The following NFE2L3 variants were observed in gnomAD, a reference collection of about 807,000 sequenced individuals.
NFE2L3 encodes NFE2 like bZIP transcription factor 3.
In NFE2L3, 18 loss-of-function variants were observed where a neutral mutation model predicts 23.5. That is an observed-to-expected ratio of 0.77 (90% CI 0.53 to 1.13). NFE2L3 has a LOEUF of 1.13. NFE2L3 is among the 50% of genes most tolerant of loss of function. The pLI is 0.00. For missense variants in NFE2L3, 1,152 were observed against 877.2 expected (o/e 1.31, Z -3.96); for synonymous variants, 424 against 354.5 (o/e 1.20, Z -2.20).
chr7:26,154,370 C>T (rs572042353), intron 1 of NFE2L3, among the ~76,000 whole-genome samples: 1 of 152,174 alleles, frequency 6.6e-6, no homozygotes, highest in South Asian at 2.1e-4. Context: ...TTCTGTAACA[C>T]AGAGTTGAAA....
intron 1 of NFE2L3, among the ~76,000 whole-genome samples, chr7:26,175,853 C>CTTTT (rs70943276): frequency 4.5e-5 from 5 of 111,628 alleles, no homozygotes; most frequent in African/African-American, 1.3e-4. Flanking sequence ...ATTTTCTTTT[C>CTTTT]TTTTTTTTTT....
intron 1 of NFE2L3, among the ~76,000 whole-genome samples, chr7:26,160,348 G>A (rs1784149123): frequency 6.6e-6 from 1 of 152,206 alleles, no homozygotes. Context: ...GGAGTTGCAG[G>A]TGGTGGTTGG....
At position 26,186,381 on chromosome 7, in the gene NFE2L3, CAAAT is replaced by C. The variant is rs971456499; in HGVS notation, c.*601_*604del. On this transcript the variant is annotated 3_prime_UTR_variant, in exon 4 of 4. Coordinates refer to ENST00000056233, the MANE Select transcript of NFE2L3 (RefSeq NM_004289.7). ...CACATTCAGGAATATAGGTGAATAA[CAAAT>C]AAGGCAGCATAGCAAACTGCTCAGA... 6.6e-5 allele frequency: 10 copies of C among 152,278 alleles called. No individual in the cohort carries two copies. Among genetic ancestry groups the C allele is most frequent in the African/African-American group, 2.4e-4 (10 of 41,542 alleles). The allele number at this position is 152,278 out of a possible 1,614,324, so 9.4% of individuals were successfully genotyped here. A position where few individuals can be genotyped will look rare whatever the true frequency, so the allele number is the denominator to read the frequency against.
At chr7:26,178,342 T>C (rs1258244975) in intron 2 of NFE2L3, among the ~76,000 whole-genome samples, 2 of 152,250 alleles carry the variant, frequency 1.3e-5, no homozygotes, top group South Asian at 2.1e-4. Context: ...CTCAAGATTT[T>C]GTGTGTATGT....
chr7:26,165,059 G>A (rs950735384), intron 1 of NFE2L3, among the ~76,000 whole-genome samples: 4 of 152,164 alleles, frequency 2.6e-5, no homozygotes, highest in African/African-American at 9.7e-5. Context: ...TAGCCTTGTA[G>A]TATAGTTTGA....
intron 1 of NFE2L3, chr7:26,174,798 A>G (rs893321148): frequency 6.6e-5 from 10 of 152,334 alleles, no homozygotes; most frequent in Admixed American, 5.2e-4. Flanking sequence ...AGAAACAGAA[A>G]GAGTGAAAAA....
intron 1 of NFE2L3, chr7:26,174,588 G>A (rs1784370113): frequency 6.6e-6 from 1 of 152,240 alleles, no homozygotes; most frequent in African/African-American, 2.4e-5. Context: ...AAGGCACAGT[G>A]TCAGAGTTAG....
Position 26,153,028 on chromosome 7 carries a change from C to T in NFE2L3, c.530C>T (p.Pro177Leu), listed in dbSNP as rs1583923069. Residue 177 changes from proline to leucine, a missense_variant, in exon 1 of 4, where the codon CCG becomes CTG. Pro to Leu is a moderately conservative substitution (Grantham distance 98). Transcript: ENST00000056233. ...AGEEEKAPAEPTAQVPDAGGC... is the reference protein window; with the variant it reads ...AGEEEKAPAELTAQVPDAGGC... ...GAAGAGGAGAAGGCACCCGCGGAAC[C>T]GACGGCTCAGGTGCCGGACGCTGGC... 4 of 1,526,080 alleles carry T rather than the reference C, an allele frequency of 2.6e-6. No individual in the cohort carries two copies. Among genetic ancestry groups the T allele is most frequent in the Non-Finnish European group, 3.5e-6 (4 of 1,140,784 alleles). 94.5% of individuals were successfully genotyped at this position (1,526,080 alleles called of 1,614,324 possible).
intron 1 of NFE2L3, among the ~76,000 whole-genome samples, chr7:26,164,417 G>A (rs909438313): frequency 6.6e-6 from 1 of 152,174 alleles, no homozygotes; most frequent in Non-Finnish European, 1.5e-5. Context: ...GTGATATTGA[G>A]CATTTTTTCA....
intron 1 of NFE2L3, 21 bp from the exon 2 acceptor site, chr7:26,177,922 T>C (rs1457323548): frequency 1.0e-5 from 16 of 1,600,216 alleles, no homozygotes; most frequent in Non-Finnish European, 1.4e-5. Context: ...GCTTATTTGA[T>C]GAAATTTCGT....
chr7:26,164,275 A>G (rs1211223566), intron 1 of NFE2L3, among the ~76,000 whole-genome samples: 2 of 152,222 alleles, frequency 1.3e-5, no homozygotes, highest in Non-Finnish European at 2.9e-5. Context: ...TCCCATCAAC[A>G]GTGTAAAAGT....
At chr7:26,170,351 C>T (rs1784316325) in intron 1 of NFE2L3, among the ~76,000 whole-genome samples, 2 of 152,158 alleles carry the variant, frequency 1.3e-5, no homozygotes, top group Non-Finnish European at 2.9e-5. Context: ...GAATCTGTCC[C>T]CACCTCAGTC....
At chr7:26,176,313 C>A (rs1463831121) in intron 1 of NFE2L3, among the ~76,000 whole-genome samples, 2 of 152,182 alleles carry the variant, frequency 1.3e-5, no homozygotes, top group African/African-American at 4.8e-5. Context: ...CCACATTTCC[C>A]CCTTTTCTTT....
At position 26,152,802 on chromosome 7, in the gene NFE2L3, T is replaced by C. The variant is rs1784017955; in HGVS notation, c.304T>C (p.Phe102Leu). The C allele has an allele frequency of 2.7e-6, 4 of 1,487,066 alleles. No individual in the cohort carries two copies. Among genetic ancestry groups the C allele is most frequent in the African/African-American group, 1.5e-5 (1 of 68,474 alleles). The allele number at this position is 1,487,066 out of a possible 1,614,324, so 92.1% of individuals were successfully genotyped here. ...LREVRALGVP[F>L]VPRTSVDAWL... Reference sequence around the variant, plus strand: ...GGAGGTGCGCGCGCTCGGGGTCCCCTTCGTCCCTCGCACCAGCGTGGATGC... The same window carrying C: ...GGAGGTGCGCGCGCTCGGGGTCCCCCTCGTCCCTCGCACCAGCGTGGATGC... Residue 102 changes from phenylalanine (F) to leucine (L), a missense_variant, in exon 1 of 4, where the codon TTC (phenylalanine) becomes CTC (leucine). Transcript: ENST00000056233. This position sits in a 1 kb window ranked among gnomAD's most constrained non-coding sequence, Gnocchi z 4.4.
At chr7:26,170,890 A>T (rs1411555123) in intron 1 of NFE2L3, among the ~76,000 whole-genome samples, 1 of 152,082 alleles carries the variant, frequency 6.6e-6, no homozygotes, top group Non-Finnish European at 1.5e-5. Flanking sequence ...CAAGACCCTT[A>T]TCTCTACAAA....
Position 26,182,382 on chromosome 7 carries a change from G to GGGAGGC in NFE2L3, c.751-1319_751-1318insGGAGGC. ...CTCATGCCTGTAATCCCAACTCTTT[G>GGGAGGC]TGAGGCCAAGGCAGGTGGATCACCT... On this transcript the variant is annotated intron_variant, in intron 2 of 3. Transcript: ENST00000056233. Among the ~76,000 whole-genome samples, 2 of 150,074 alleles carry GGGAGGC rather than the reference G, an allele frequency of 1.3e-5. 1 individual carries two copies. Among genetic ancestry groups the GGGAGGC allele is most frequent in the South Asian group, 4.1e-4 (2 of 4,820 alleles).
At chr7:26,157,656 A>G (rs1051178023) in intron 1 of NFE2L3, among the ~76,000 whole-genome samples, 4 of 152,328 alleles carry the variant, frequency 2.6e-5, no homozygotes, top group Admixed American at 2.6e-4. Context: ...AAGCGTTCAC[A>G]GTGGGATTTT....
intron 2 of NFE2L3, among the ~76,000 whole-genome samples, chr7:26,182,166 GAAGA>G (rs1376944933): frequency 6.6e-6 from 1 of 152,062 alleles, no homozygotes; most frequent in Non-Finnish European, 1.5e-5. Flanking sequence ...CAAGAACTAA[GAAGA>G]AACATTTTTT....
At chr7:26,172,375 T>G (rs537919222) in intron 1 of NFE2L3, among the ~76,000 whole-genome samples, 1 of 152,262 alleles carries the variant, frequency 6.6e-6, no homozygotes, top group Non-Finnish European at 1.5e-5. Context: ...TAACGATGTC[T>G]CTCTGTATAC....
Sources: allele counts gnomAD v4.1 joint callset (sites outside exome capture counted in the v4.1 genomes callset), GRCh38; gene constraint gnomAD v4.1.1; non-coding constraint Gnocchi (gnomAD v3.1); transcripts MANE v1.5; gene names NCBI Gene and HGNC (gene_info 2026-07-23, HGNC 2026-07-21).